FCHSD2: variants seen among roughly 807,000 people sequenced by gnomAD.
FCHSD2 encodes the protein F-BAR and double SH3 domains protein 2.
A neutral mutation model predicts 108.1 loss-of-function variants in FCHSD2; 38 were observed. That is an observed-to-expected ratio of 0.35 (90% confidence interval 0.27 to 0.46). The LOEUF (loss-of-function observed/expected upper bound fraction) is 0.46. FCHSD2 is among the 20% of genes least tolerant of loss of function. The pLI, the probability that FCHSD2 is intolerant of heterozygous loss-of-function variation, is 1.00. For missense variants in FCHSD2, 751 were observed against 897.8 expected (o/e 0.84, Z 2.09); for synonymous variants, 279 against 314.7 (o/e 0.89, Z 1.20).
intron 8 of FCHSD2, among the ~76,000 whole-genome samples, chr11:72,949,990 T>C (rs993294003): frequency 1.1e-4 from 17 of 152,104 alleles, no homozygotes; most frequent in African/African-American, 3.9e-4. Flanking sequence ...ACAATGGCTG[T>C]TCCATTTTAC....
chr11:72,855,674 T>A (rs1472208445), intron 13 of FCHSD2, among the ~76,000 whole-genome samples: 6 of 152,210 alleles, frequency 3.9e-5, no homozygotes, highest in African/African-American at 1.2e-4. Flanking sequence ...TCAAGGTATA[T>A]TACCCATCAT....
intron 8 of FCHSD2, among the ~76,000 whole-genome samples, chr11:72,973,078 G>GT (rs1198097238): frequency 2.0e-5 from 3 of 152,116 alleles, no homozygotes; most frequent in Admixed American, 6.6e-5. Context: ...AAGAAAATGG[G>GT]TAAGTTATGG....
chr11:72,944,202 T>C (rs935524079), intron 8 of FCHSD2, among the ~76,000 whole-genome samples: 10 of 152,168 alleles, frequency 6.6e-5, no homozygotes, highest in Non-Finnish European at 1.2e-4. Flanking sequence ...TTATCCACCA[T>C]GATCAAGTGG....
chr11:73,124,278 A>C (rs1252376892), intron 2 of FCHSD2, among the ~76,000 whole-genome samples: 1 of 152,096 alleles, frequency 6.6e-6, no homozygotes, highest in Admixed American at 6.6e-5. Context: ...GGGGACGGGG[A>C]AGGGATAACA....
rs1859088080 is a variant in FCHSD2 at position 73,058,601 on chromosome 11, T to G, written c.165+25094A>C. On this transcript the variant is annotated intron_variant, in intron 3 of 19. Coordinates refer to ENST00000409418, the MANE Select transcript of FCHSD2 (RefSeq NM_014824.3). ...TTTTAGGTTTATTTCATTTTCCTTTTTTTTTTTTTTTTAAGACAGAGTCTT... is the reference window on the plus strand; with the variant it reads ...TTTTAGGTTTATTTCATTTTCCTTTGTTTTTTTTTTTTAAGACAGAGTCTT... Among the ~76,000 whole-genome samples the G allele has an allele frequency of 2.0e-5, 3 of 151,508 alleles. No individual in the cohort carries two copies. In the South Asian group the frequency reaches 6.2e-4, roughly 31 times the overall value.
At chr11:72,945,168 A>C (rs1158112197) in intron 8 of FCHSD2, among the ~76,000 whole-genome samples, 1 of 152,236 alleles carries the variant, frequency 6.6e-6, no homozygotes, top group Non-Finnish European at 1.5e-5. Flanking sequence ...GGCTACAGTA[A>C]CCAAACAGCA....
chr11:72,901,369 C>A (rs1458663183), intron 10 of FCHSD2, among the ~76,000 whole-genome samples: 1 of 151,684 alleles, frequency 6.6e-6, no homozygotes, highest in Non-Finnish European at 1.5e-5. Flanking sequence ...TGCCCTCCAG[C>A]CCCAGTGACA....
chr11:72,981,127 G>A (rs1329701746), intron 8 of FCHSD2, among the ~76,000 whole-genome samples: 1 of 152,094 alleles, frequency 6.6e-6, no homozygotes, highest in Non-Finnish European at 1.5e-5. Flanking sequence ...ATTAGCATGA[G>A]GAAGAAAATG....
chr11:72,838,926 T>G, intron 19 of FCHSD2, 52 bp from the exon 20 acceptor site: 1 of 1,507,104 alleles, frequency 6.6e-7, no homozygotes, highest in East Asian at 2.4e-5. Context: ...ACTCAGTATC[T>G]GAAGCATCCC....
intron 8 of FCHSD2, among the ~76,000 whole-genome samples, chr11:72,939,329 C>T (rs1399943975): frequency 2.6e-5 from 4 of 152,030 alleles, no homozygotes; most frequent in Non-Finnish European, 4.4e-5. Context: ...TTCCCCCAGT[C>T]GGTAAGATTG....
intron 9 of FCHSD2, among the ~76,000 whole-genome samples, chr11:72,915,459 C>T (rs1395383782): frequency 6.6e-6 from 1 of 152,170 alleles, no homozygotes; most frequent in Non-Finnish European, 1.5e-5. Flanking sequence ...ATGTTCATTG[C>T]AGCACCATTC....
chr11:72,957,749 C>G (rs2135367091), intron 8 of FCHSD2, among the ~76,000 whole-genome samples: 1 of 151,576 alleles, frequency 6.6e-6, no homozygotes, highest in African/African-American at 2.4e-5. Flanking sequence ...GGTGAGGAGG[C>G]ATTATGTTCA....
intron 3 of FCHSD2, among the ~76,000 whole-genome samples, chr11:73,075,243 CATG>C (rs1859522065): frequency 6.6e-6 from 1 of 152,194 alleles, no homozygotes; most frequent in Non-Finnish European, 1.5e-5. Flanking sequence ...AAAACCATTT[CATG>C]ATATTTCCTA....
intron 10 of FCHSD2, among the ~76,000 whole-genome samples, chr11:72,899,735 TAAAAAAA>T (rs10674308): frequency 1.4e-5 from 1 of 72,736 alleles, no homozygotes; most frequent in African/African-American, 5.8e-5. Flanking sequence ...GACCCTATCT[TAAAAAAA>T]AAAAAAAAAA....
rs1456366015 is a variant in FCHSD2 at position 72,863,931 on chromosome 11, T to C, written c.1308+3934A>G. On this transcript the variant is annotated intron_variant, in intron 13 of 19. Transcript: ENST00000409418. ...TTTGGAAAACAGTTTGTCAGTTTCT[T>C]AAAATGTTAAATATATACCTATTAT... Among the ~76,000 whole-genome samples the C allele has an allele frequency of 5.2e-5, 8 of 152,384 alleles. No homozygotes were observed. The East Asian group carries it at 1.5e-3, about 29-fold the overall frequency.
At chr11:73,101,890 A>G (rs913812348) in intron 2 of FCHSD2, among the ~76,000 whole-genome samples, 2 of 152,176 alleles carry the variant, frequency 1.3e-5, no homozygotes, top group African/African-American at 4.8e-5. Context: ...AAAACAGAAT[A>G]TATTGTGTCT....
chr11:73,076,836 C>T (rs542898894), intron 3 of FCHSD2, among the ~76,000 whole-genome samples: 8 of 152,202 alleles, frequency 5.3e-5, no homozygotes, highest in East Asian at 1.9e-4. Flanking sequence ...CTAGGCCCGG[C>T]GCAGTGCCTC....
At chr11:73,065,462 T>C (rs1859269138) in intron 3 of FCHSD2, among the ~76,000 whole-genome samples, 1 of 152,168 alleles carries the variant, frequency 6.6e-6, no homozygotes, top group African/African-American at 2.4e-5. Flanking sequence ...AAGGATGCCC[T>C]CTCTCATCCC....
At chr11:72,947,546 C>T (rs189661661) in intron 8 of FCHSD2, among the ~76,000 whole-genome samples, 4 of 152,164 alleles carry the variant, frequency 2.6e-5, no homozygotes, top group African/African-American at 7.2e-5. Flanking sequence ...CTGAGTCTAG[C>T]AAGAAATGGG....
Sources: gnomAD v4.1 joint callset for allele counts (sites outside exome capture counted in the v4.1 genomes callset) on GRCh38, gnomAD v4.1.1 for gene constraint, MANE v1.5 for transcripts, NCBI Gene and HGNC (gene_info 2026-07-23, HGNC 2026-07-21) for gene names.